The following BPIFA2 variants were observed in gnomAD, a reference collection of about 807,000 sequenced individuals.
BPIFA2 encodes the protein BPI fold containing family A member 2, also known as BPI fold-containing family A member 2.
A neutral mutation model predicts 25.7 loss-of-function variants in BPIFA2; 20 were observed. The ratio of observed to expected loss-of-function variants is 0.78; its 90% CI spans 0.55 to 1.13. BPIFA2 has a LOEUF of 1.13. Ranked by LOEUF, BPIFA2 falls within the 50% of genes most tolerant of loss-of-function variation. The pLI is 0.00. For missense variants in BPIFA2, 300 were observed against 298.1 expected (o/e 1.01, Z -0.05); for synonymous variants, 126 against 124.3 (o/e 1.01, Z -0.09).
In BPIFA2 at chr20:33,172,270, G is replaced by A. The variant is rs1313693724; in HGVS notation, c.158-662G>A. On this transcript the variant is annotated intron_variant, in intron 2 of 8. Coordinates refer to ENST00000354932, the MANE Select transcript of BPIFA2 (RefSeq NM_080574.4). Reference sequence around the variant, plus strand: ...GGGGGCAAGGTGGGGGAGAGAATTAGGACAAATACCTAATGCAGGTGGGGC... The same window carrying A: ...GGGGGCAAGGTGGGGGAGAGAATTAAGACAAATACCTAATGCAGGTGGGGC... Among the ~76,000 whole-genome samples the A allele has an allele frequency of 2.0e-5, 3 of 152,078 alleles. No homozygotes were observed. In the East Asian group the frequency reaches 5.8e-4, roughly 29 times the overall value.
chr20:33,163,891 G>T (rs1391872969), upstream of BPIFA2, among the ~76,000 whole-genome samples: 1 of 152,132 alleles, frequency 6.6e-6, no homozygotes, highest in Admixed American at 6.5e-5. Context: ...CCCCAGCTCT[G>T]CCACTTACTA....
At chr20:33,173,252 A>T (rs537936910) in intron 3 of BPIFA2, among the ~76,000 whole-genome samples, 176 bp downstream of exon 3, 1 of 152,318 alleles carries the variant, frequency 6.6e-6, no homozygotes, top group African/African-American at 2.4e-5. Flanking sequence ...AGGCAGGGCT[A>T]CAGAGTCAAT....
At chr20:33,171,688 A>T (rs920918462) in intron 2 of BPIFA2, among the ~76,000 whole-genome samples, 1 of 152,262 alleles carries the variant, frequency 6.6e-6, no homozygotes, top group Non-Finnish European at 1.5e-5. Context: ...CCACAATGAG[A>T]TACCATCTCA....
upstream of BPIFA2, among the ~76,000 whole-genome samples, chr20:33,165,644 G>A (rs1465753310): frequency 6.6e-6 from 1 of 152,258 alleles, no homozygotes; most frequent in Non-Finnish European, 1.5e-5. Flanking sequence ...GTGGGATCAG[G>A]AAGCTGCCCC....
chr20:33,176,408 G>T (rs143184895), intron 5 of BPIFA2, among the ~76,000 whole-genome samples: 1 of 152,190 alleles, frequency 6.6e-6, no homozygotes, highest in African/African-American at 2.4e-5. Flanking sequence ...CAGGAGCAAG[G>T]CTGGGTCCTC....
At chr20:33,177,597 G>A (rs1017161315) in intron 5 of BPIFA2, among the ~76,000 whole-genome samples, 13 of 152,112 alleles carry the variant, frequency 8.5e-5, no homozygotes, top group East Asian at 7.7e-4. Flanking sequence ...TCAGTCCATC[G>A]GTAAAGAACG....
rs1211295760 is a variant in BPIFA2, at chr20:33,170,902, GT to G, written c.157+1605del. 2.0e-5 allele frequency among the ~76,000 whole-genome samples: 3 copies of G among 152,176 alleles called. No homozygotes were observed. In the East Asian group the frequency reaches 5.8e-4, roughly 29 times the overall value. ...AAGTATTTAAACCATCTTGAGTTAA[GT>G]TTTTAATAAGGTGTAAGGAAGGGAT... On this transcript the variant is annotated intron_variant, in intron 2 of 8. Transcript: ENST00000354932.
At chr20:33,174,386 T>C (rs186704210) in intron 4 of BPIFA2, among the ~76,000 whole-genome samples, 200 bp downstream of exon 4, 21 of 152,328 alleles carry the variant, frequency 1.4e-4, no homozygotes, top group African/African-American at 4.8e-4. Context: ...TAAGCAAGTG[T>C]CTTTTAAAAA....
At chr20:33,178,289 G>C (rs1984154401) in intron 6 of BPIFA2, 61 bp downstream of exon 6, 12 of 1,319,874 alleles carry the variant, frequency 9.1e-6, no homozygotes, top group South Asian at 8.9e-5. Context: ...GGGGGAATTT[G>C]CAGGCCTGGC....
At chr20:33,172,264 G>A (rs961362077) in intron 2 of BPIFA2, among the ~76,000 whole-genome samples, 10 of 152,042 alleles carry the variant, frequency 6.6e-5, no homozygotes, top group Non-Finnish European at 1.2e-4. Flanking sequence ...GTGGGGGAGA[G>A]AATTAGGACA....
chr20:33,164,577 C>T (rs1983670599), upstream of BPIFA2, among the ~76,000 whole-genome samples: 2 of 151,572 alleles, frequency 1.3e-5, no homozygotes. Context: ...TTCTTTCTTT[C>T]TTTCTTCCTT....
At chr20:33,175,648 C>T in intron 5 of BPIFA2, 89 bp downstream of exon 5, 1 of 1,375,664 alleles carries the variant, frequency 7.3e-7, no homozygotes, top group Middle Eastern at 2.0e-4. Context: ...AAGAGGAGGC[C>T]TAGTGGTGAA....
At chr20:33,179,877 G>C (rs939358709) in intron 7 of BPIFA2, among the ~76,000 whole-genome samples, 1 of 152,134 alleles carries the variant, frequency 6.6e-6, no homozygotes, top group African/African-American at 2.4e-5. Flanking sequence ...GGGAGAAATG[G>C]AGTAAGTAAA....
intron 2 of BPIFA2, 86 bp downstream of exon 2, chr20:33,169,388 C>G (rs1285950779): frequency 1.4e-6 from 2 of 1,402,532 alleles, no homozygotes; most frequent in African/African-American, 2.9e-5. Context: ...CCACCAGGGG[C>G]TACTCTTTAT....
At chr20:33,171,756 G>A (rs1157191861) in intron 2 of BPIFA2, among the ~76,000 whole-genome samples, 1 of 152,220 alleles carries the variant, frequency 6.6e-6, no homozygotes, top group Non-Finnish European at 1.5e-5. Flanking sequence ...TGGCAAGGCT[G>A]TAGAGAAATA....
At chr20:33,168,087 A>C (rs1430530232), upstream of BPIFA2, 1 of 152,220 alleles carries the variant, frequency 6.6e-6, no homozygotes, top group Non-Finnish European at 1.5e-5. Flanking sequence ...CCCAGAACCA[A>C]GGCTTGCTTC....
At chr20:33,166,868 C>G (rs927551791), upstream of BPIFA2, among the ~76,000 whole-genome samples, 3 of 152,246 alleles carry the variant, frequency 2.0e-5, no homozygotes, top group African/African-American at 7.2e-5. Context: ...GGACAAACTG[C>G]CTTCACAAGA....
chr20:33,166,261 C>T (rs1402515231), upstream of BPIFA2, among the ~76,000 whole-genome samples: 1 of 152,148 alleles, frequency 6.6e-6, no homozygotes, highest in Admixed American at 6.5e-5. Flanking sequence ...AGGTGATCTG[C>T]CCGCCTCGGC....
chr20:33,169,165 T>C lies in BPIFA2; in HGVS notation c.20T>C (p.Leu7Pro), dbSNP rs1000027593. Residue 7 changes from leucine (L) to proline (P), a missense_variant, in exon 2 of 9, where the codon CTT becomes CCT. Coordinates refer to ENST00000354932, the MANE Select transcript of BPIFA2 (RefSeq NM_080574.4). MLQLWK[L>P]VLLCGVLTGT... is the part of the protein sequence containing the mutation. ...CAAAAGATGCTTCAGCTTTGGAAACTTGTTCTCCTGTGCGGCGTGCTCACT... is the reference window on the plus strand; with the variant it reads ...CAAAAGATGCTTCAGCTTTGGAAACCTGTTCTCCTGTGCGGCGTGCTCACT... 6.2e-7 allele frequency: 1 copy of C among 1,614,162 alleles called. No individual in the cohort carries two copies. Among genetic ancestry groups the C allele is most frequent in the Non-Finnish European group, 8.5e-7 (1 of 1,179,986 alleles).
Sources: gnomAD v4.1 joint callset for allele counts (sites outside exome capture counted in the v4.1 genomes callset) on GRCh38, gnomAD v4.1.1 for gene constraint, MANE v1.5 for transcripts, NCBI Gene and HGNC (gene_info 2026-07-23, HGNC 2026-07-21) for gene names.